NFATC1: variants seen among roughly 807,000 people sequenced by gnomAD.
The protein encoded by NFATC1 is nuclear factor of activated T-cells, cytoplasmic 1.
Under a neutral mutation model 76.0 loss-of-function variants are expected in NFATC1, and 22 were observed. That is an observed-to-expected ratio of 0.29 (90% CI 0.21 to 0.41). The LOEUF (loss-of-function observed/expected upper bound fraction) is 0.41. NFATC1 is among the 10% of genes least tolerant of loss of function. The pLI, the probability that NFATC1 is intolerant of heterozygous loss-of-function variation, is 1.00. For missense variants in NFATC1, 1,357 were observed against 1,337.7 expected, an observed-to-expected ratio of 1.01 and a Z score of -0.23; for synonymous variants, 704 against 613.1, an observed-to-expected ratio of 1.15 and a Z score of -2.19.
chr18:79,437,288 G>T (rs539376860), intron 3 of NFATC1, among the ~76,000 whole-genome samples: 1 of 152,234 alleles, frequency 6.6e-6, no homozygotes, highest in African/African-American at 2.4e-5. Flanking sequence ...AGATGAAGAC[G>T]CCTGCTTAGG....
intron 1 of NFATC1, among the ~76,000 whole-genome samples, chr18:79,405,861 C>T (rs897416463): frequency 5.3e-5 from 8 of 152,158 alleles, no homozygotes; most frequent in African/African-American, 1.2e-4. Flanking sequence ...CCCAGGCGTC[C>T]GTGGGCCTCT....
chr18:79,477,977 C>T (rs1045772586), intron 8 of NFATC1, among the ~76,000 whole-genome samples: 12 of 152,122 alleles, frequency 7.9e-5, no homozygotes, highest in South Asian at 2.1e-4. Flanking sequence ...GTCACGCGGA[C>T]GGGGGTTAGG....
At chr18:79,441,356 T>C (rs866615740) in intron 3 of NFATC1, among the ~76,000 whole-genome samples, 25 of 152,296 alleles carry the variant, frequency 1.6e-4, no homozygotes, top group African/African-American at 6.0e-4. Context: ...TGCACATGGC[T>C]GCTGGGCGGG....
At chr18:79,459,915 C>T (rs757167035) in intron 6 of NFATC1, among the ~76,000 whole-genome samples, 8 of 152,186 alleles carry the variant, frequency 5.3e-5, no homozygotes, top group Non-Finnish European at 1.0e-4. Flanking sequence ...GGAGTGAAAA[C>T]GCCTCTTTCT....
At chr18:79,526,081 C>G (rs1343281212) in intron 9 of NFATC1, among the ~76,000 whole-genome samples, 1 of 152,250 alleles carries the variant, frequency 6.6e-6, no homozygotes, top group Non-Finnish European at 1.5e-5. Flanking sequence ...ACAGAGCCGT[C>G]TTTCTCTCTG....
chr18:79,506,389 G>C (rs1368853796), intron 9 of NFATC1, among the ~76,000 whole-genome samples: 1 of 152,160 alleles, frequency 6.6e-6, no homozygotes, highest in Non-Finnish European at 1.5e-5. Flanking sequence ...CGGTGACCAG[G>C]CCTCTCCCAG....
Position 79,410,288 on chromosome 18 carries a change from G to T in NFATC1, c.128-115G>T. 2 of 1,495,720 alleles carry T rather than the reference G, an allele frequency of 1.3e-6. No homozygotes were observed. Among genetic ancestry groups the T allele is most frequent in the South Asian group, 1.3e-5 (1 of 76,966 alleles). 92.7% of individuals were successfully genotyped at this position (1,495,720 alleles called of 1,614,324 possible). ...GTCTCAGGGACGTTTGCTGAGGCCC[G>T]CTCCTTGGGGTCCGTTGGTCGAGGC... On this transcript the variant is annotated intron_variant, in intron 1 of 9. Coordinates refer to ENST00000427363, the MANE Select transcript of NFATC1 (RefSeq NM_001278669.2). This position sits in a 1 kb window ranked among gnomAD's most constrained non-coding sequence, Gnocchi z 6.7.
rs1202276465 is a variant in NFATC1, at chr18:79,450,951, C to T, written c.1590-3C>T. 3.7e-6 allele frequency: 6 copies of T among 1,611,632 alleles called. No individual in the cohort carries two copies. Among genetic ancestry groups the T allele is most frequent in the Non-Finnish European group, 5.1e-6 (6 of 1,178,708 alleles). ...AAAAGCTGTGGGCTTTTGTTTTGGGCAGCATTGACTGTGCCGGAATCCTGA... is the reference window on the plus strand; with the variant it reads ...AAAAGCTGTGGGCTTTTGTTTTGGGTAGCATTGACTGTGCCGGAATCCTGA... On this transcript the variant is annotated splice_polypyrimidine_tract_variant and splice_region_variant and intron_variant, in intron 4 of 9. Transcript: ENST00000427363.
At chr18:79,489,834 C>A (rs2089625777) in intron 9 of NFATC1, among the ~76,000 whole-genome samples, 1 of 152,234 alleles carries the variant, frequency 6.6e-6, no homozygotes, top group Non-Finnish European at 1.5e-5. Flanking sequence ...GTGCTTCTGC[C>A]TCCATAACCT....
intron 3 of NFATC1, among the ~76,000 whole-genome samples, chr18:79,434,319 G>A (rs1376630169): frequency 6.6e-6 from 1 of 152,238 alleles, no homozygotes; most frequent in African/African-American, 2.4e-5. Flanking sequence ...CCCCCGGGCT[G>A]TGGTGTGGCT....
At chr18:79,462,465 C>T (rs752511638) in intron 7 of NFATC1, among the ~76,000 whole-genome samples, 1 of 152,226 alleles carries the variant, frequency 6.6e-6, no homozygotes, top group South Asian at 2.1e-4. Flanking sequence ...CCACCACGCC[C>T]GGCTAATTTT....
At chr18:79,478,649 T>C (rs1292761693) in intron 8 of NFATC1, among the ~76,000 whole-genome samples, 1 of 152,184 alleles carries the variant, frequency 6.6e-6, no homozygotes, top group Non-Finnish European at 1.5e-5. Flanking sequence ...GGCGGGGGCT[T>C]TGGGAGGGGA....
chr18:79,514,488 C>T (rs2090330828), intron 9 of NFATC1, among the ~76,000 whole-genome samples: 1 of 143,352 alleles, frequency 7.0e-6, no homozygotes, highest in South Asian at 2.2e-4. Context: ...ATCGCATAAG[C>T]CTGGGAGATC....
intron 2 of NFATC1, among the ~76,000 whole-genome samples, chr18:79,423,289 G>A (rs772935761): frequency 1.6e-3 from 246 of 152,330 alleles, no homozygotes; most frequent in Non-Finnish European, 2.3e-3. Context: ...GCGCGCTCCC[G>A]GTCTGTGGCT....
chr18:79,424,537 GTC>G (rs747162867), intron 2 of NFATC1, among the ~76,000 whole-genome samples: 15 of 149,842 alleles, frequency 1.0e-4, no homozygotes, highest in East Asian at 2.0e-4. Flanking sequence ...CTGTCTCCCT[GTC>G]TCTCTCTCTG....
chr18:79,449,534 G>A lies in NFATC1; in HGVS notation c.1589+550G>A, dbSNP rs73007691. Among the ~76,000 whole-genome samples the A allele has an allele frequency of 8.7e-3, 1,321 of 152,378 alleles. 9 individuals are homozygous for A. Among genetic ancestry groups the A allele is most frequent in the Middle Eastern group, 0.02 (6 of 294 alleles). On this transcript the variant is annotated intron_variant, in intron 4 of 9. Transcript: ENST00000427363. ...ACGCTGGCCCTAACCTGTGAAGGCA[G>A]CCGAGGAGGAGGACTGCTGGTTCCC...
At chr18:79,495,794 C>T (rs940039225) in intron 9 of NFATC1, among the ~76,000 whole-genome samples, 2 of 151,920 alleles carry the variant, frequency 1.3e-5, no homozygotes, top group Non-Finnish European at 2.9e-5. Context: ...GTAGGCAGGC[C>T]GTGAACAGTA....
intron 1 of NFATC1, among the ~76,000 whole-genome samples, chr18:79,407,421 T>TG (rs2085480736): frequency 6.6e-6 from 1 of 152,162 alleles, no homozygotes; most frequent in African/African-American, 2.4e-5. Flanking sequence ...CCTGTGGCTC[T>TG]GGGGAAAGAA....
At chr18:79,513,316 C>T (rs1414777862) in intron 9 of NFATC1, among the ~76,000 whole-genome samples, 2 of 152,126 alleles carry the variant, frequency 1.3e-5, no homozygotes, top group South Asian at 4.1e-4. Flanking sequence ...TTGGCCTCCG[C>T]GGCCAGGGCG....
Sources: allele counts gnomAD v4.1 joint callset (sites outside exome capture counted in the v4.1 genomes callset), GRCh38; gene constraint gnomAD v4.1.1; non-coding constraint Gnocchi (gnomAD v3.1); transcripts MANE v1.5; gene names NCBI Gene and HGNC (gene_info 2026-07-23, HGNC 2026-07-21).